The following MRPL1 variants were observed in gnomAD, a reference collection of about 807,000 sequenced individuals.
MRPL1 encodes mitochondrial ribosomal protein L1.
MRPL1 carries 28 observed loss-of-function variants against 38.0 expected under a neutral mutation model. The ratio of observed to expected loss-of-function variants is 0.74; its 90% CI spans 0.55 to 1.01. The LOEUF (loss-of-function observed/expected upper bound fraction) is 1.01, where lower values mean the gene tolerates loss of function less well. Among genes scored for constraint, MRPL1 ranks in the 50% least tolerant of loss-of-function variants. MRPL1 has a pLI of 0.00. For missense variants in MRPL1, 358 were observed against 389.8 expected, an observed-to-expected ratio of 0.92 and a Z score of 0.69; for synonymous variants, 123 against 126.7, an observed-to-expected ratio of 0.97 and a Z score of 0.20.
At chr4:77,893,241 C>T (rs571829249) in intron 5 of MRPL1, among the ~76,000 whole-genome samples, 15 of 152,242 alleles carry the variant, frequency 9.9e-5, no homozygotes, top group Non-Finnish European at 1.6e-4. Context: ...CTCAGCCTCC[C>T]GGTTACCTGG....
intron 6 of MRPL1, among the ~76,000 whole-genome samples, chr4:77,905,066 AT>A: frequency 6.6e-6 from 1 of 152,344 alleles, no homozygotes; most frequent in South Asian, 2.1e-4. Context: ...AAAGTCATAG[AT>A]TAGGGGAAAA....
chr4:77,948,094 G>C (rs1737313479), intron 7 of MRPL1, among the ~76,000 whole-genome samples: 1 of 152,144 alleles, frequency 6.6e-6, no homozygotes, highest in Non-Finnish European at 1.5e-5. Flanking sequence ...AAAAATCTGA[G>C]AAGTTTAATG....
intron 7 of MRPL1, among the ~76,000 whole-genome samples, chr4:77,919,847 A>ATGTGTG (rs71661683): frequency 1.0e-3 from 147 of 144,864 alleles, no homozygotes; most frequent in African/African-American, 3.4e-3. Context: ...ATATATATAT[A>ATGTGTG]TATGTGTGTG....
chr4:77,884,704 T>G (rs1172894194), intron 3 of MRPL1, among the ~76,000 whole-genome samples: 2 of 152,200 alleles, frequency 1.3e-5, no homozygotes, highest in Non-Finnish European at 2.9e-5. Context: ...TCCTGATAGT[T>G]TAGAGCCAAT....
At chr4:77,862,975 A>G in intron 1 of MRPL1, 96 bp downstream of exon 1, 1 of 1,478,910 alleles carries the variant, frequency 6.8e-7, no homozygotes, top group Non-Finnish European at 9.4e-7. Flanking sequence ...GGTGCTGAAA[A>G]TGCCTCGTGC....
chr4:77,897,446 G>A (rs971574378), intron 6 of MRPL1, among the ~76,000 whole-genome samples: 7 of 152,156 alleles, frequency 4.6e-5, no homozygotes, highest in African/African-American at 1.2e-4. Flanking sequence ...TGGCATATAT[G>A]GGAACAGTTG....
rs1281882635 is a variant in MRPL1 at position 77,887,201 on chromosome 4, A to G, written c.487-19A>G. The G allele has an allele frequency of 6.3e-7, 1 of 1,596,690 alleles. No individual in the cohort carries two copies. The highest frequency in any genetic ancestry group is 1.1e-5 in the South Asian group (1 of 90,676). On this transcript the variant is annotated intron_variant, in intron 4 of 8. Coordinates refer to ENST00000315567, the MANE Select transcript of MRPL1 (RefSeq NM_020236.4). ...ATTTAAAATTAATGATTGATTTTCA[A>G]ATTATTGTGTTTTGGTAGAATGCAT...
chr4:77,940,892 C>T (rs916430511), intron 7 of MRPL1, among the ~76,000 whole-genome samples: 3 of 152,114 alleles, frequency 2.0e-5, no homozygotes, highest in Non-Finnish European at 2.9e-5. Flanking sequence ...CTGATATGAA[C>T]CCCAGGTCAT....
chr4:77,929,212 C>G lies in MRPL1; in HGVS notation c.777+19840C>G, dbSNP rs144895867. On this transcript the variant is annotated intron_variant, in intron 7 of 8. Transcript: ENST00000315567. Reference sequence around the variant, plus strand: ...AGGCTGAGCAAGAGGATCTCTTGAGCCTGTGAGTTCAAGATCATTCTGGGC... The same window carrying G: ...AGGCTGAGCAAGAGGATCTCTTGAGGCTGTGAGTTCAAGATCATTCTGGGC... Among the ~76,000 whole-genome samples the G allele has an allele frequency of 7.0e-3, 1,071 of 152,208 alleles. 17 individuals are homozygous for G. The highest frequency in any genetic ancestry group is 0.025 in the African/African-American group (1,019 of 41,524).
intron 3 of MRPL1, among the ~76,000 whole-genome samples, chr4:77,884,902 G>A (rs569716298): frequency 2.0e-5 from 3 of 152,316 alleles, no homozygotes; most frequent in South Asian, 4.1e-4. Flanking sequence ...TGGGGAAGAT[G>A]TTGATATGCA....
chr4:77,946,003 C>T (rs1396611187), intron 7 of MRPL1, among the ~76,000 whole-genome samples: 1 of 152,114 alleles, frequency 6.6e-6, no homozygotes, highest in Non-Finnish European at 1.5e-5. Context: ...GAGCAGAGAA[C>T]TAGTCTGACC....
intron 2 of MRPL1, among the ~76,000 whole-genome samples, chr4:77,873,397 G>T (rs977335270): frequency 6.6e-6 from 1 of 152,176 alleles, no homozygotes; most frequent in African/African-American, 2.4e-5. Context: ...TATAATAATA[G>T]AATCATTGGC....
intron 7 of MRPL1, among the ~76,000 whole-genome samples, chr4:77,930,702 G>T (rs1453379667): frequency 6.6e-6 from 1 of 152,206 alleles, no homozygotes; most frequent in African/African-American, 2.4e-5. Context: ...ATAATGGCAG[G>T]TAAGCTGATG....
intron 7 of MRPL1, among the ~76,000 whole-genome samples, chr4:77,924,022 A>G (rs946022220): frequency 1.3e-5 from 2 of 151,766 alleles, no homozygotes; most frequent in Non-Finnish European, 2.9e-5. Context: ...AAATAGTTTA[A>G]TGATACTATA....
chr4:77,929,878 A>G (rs1001702060), intron 7 of MRPL1, among the ~76,000 whole-genome samples: 2 of 152,228 alleles, frequency 1.3e-5, no homozygotes, highest in African/African-American at 2.4e-5. Context: ...AGTTTAAAAT[A>G]TAAATACATA....
At chr4:77,934,716 G>C (rs995184338) in intron 7 of MRPL1, among the ~76,000 whole-genome samples, 17 of 152,158 alleles carry the variant, frequency 1.1e-4, no homozygotes, top group Non-Finnish European at 1.6e-4. Context: ...GCAGGGACTT[G>C]AACAGATGAT....
At chr4:77,934,982 C>T (rs978658746) in intron 7 of MRPL1, among the ~76,000 whole-genome samples, 1 of 152,042 alleles carries the variant, frequency 6.6e-6, no homozygotes, top group African/African-American at 2.4e-5. Context: ...CAGTGAAATT[C>T]GTAGAGATAG....
At chr4:77,915,265 G>T (rs1488023348) in intron 7 of MRPL1, among the ~76,000 whole-genome samples, 1 of 152,146 alleles carries the variant, frequency 6.6e-6, no homozygotes, top group East Asian at 1.9e-4. Context: ...TCAGTTGAAT[G>T]ATCTTTCTTA....
At chr4:77,897,608 C>G (rs1735947187) in intron 6 of MRPL1, among the ~76,000 whole-genome samples, 1 of 152,218 alleles carries the variant, frequency 6.6e-6, no homozygotes, top group Admixed American at 6.5e-5. Context: ...GATATCCCAG[C>G]AGACTTGTCC....
Sources: gnomAD v4.1 joint callset for allele counts (sites outside exome capture counted in the v4.1 genomes callset) on GRCh38, gnomAD v4.1.1 for gene constraint, MANE v1.5 for transcripts, NCBI Gene and HGNC (gene_info 2026-07-23, HGNC 2026-07-21) for gene names.